Variants in RBM18 observed in about 807,000 individuals in gnomAD.
RBM18 encodes the protein probable RNA-binding protein 18.
In RBM18, 18 loss-of-function variants were observed where a neutral mutation model predicts 26.4. That is an observed-to-expected ratio of 0.68 (90% CI 0.47 to 1.01). The LOEUF (loss-of-function observed/expected upper bound fraction) is 1.01, where lower values mean the gene tolerates loss of function less well. RBM18 is among the 50% of genes least tolerant of loss of function. The probability of loss-of-function intolerance (pLI) is 0.00; values close to 1 mark genes in which losing one functional copy is unlikely to be tolerated. For synonymous variants in RBM18, 74 were observed against 81.1 expected, an observed-to-expected ratio of 0.91 and a Z score of 0.47; for missense variants, 180 against 219.2, an observed-to-expected ratio of 0.82 and a Z score of 1.13.
Position 122,245,336 on chromosome 9 carries a change from A to G in RBM18, c.333T>C (p.Tyr111=), listed in dbSNP as rs770931126. 2.5e-6 allele frequency: 4 copies of G among 1,601,190 alleles called. No individual in the cohort carries two copies. The highest frequency in any genetic ancestry group is 1.1e-5 in the South Asian group (1 of 90,764). ...GAATCTTATCATTCTTGTTATGATC[A>G]TATCTCTGAAAATGAGAAATAGAGA... The part of the protein sequence containing the change: ...VRWAHAQVKR[Y]DHNKNDKILP... Residue 111 remains tyrosine (Y), a synonymous_variant, in exon 5 of 6, where the codon TAT becomes TAC. Transcript: ENST00000417201.
intron 5 of RBM18, among the ~76,000 whole-genome samples, chr9:122,244,065 C>T (rs1358192480): frequency 6.6e-6 from 1 of 151,960 alleles, no homozygotes; most frequent in Non-Finnish European, 1.5e-5. Context: ...AGGTTCAAAT[C>T]TTATGAGGAA....
At chr9:122,259,505 A>G (rs554922956) in intron 2 of RBM18, among the ~76,000 whole-genome samples, 12 of 152,348 alleles carry the variant, frequency 7.9e-5, no homozygotes, top group African/African-American at 2.9e-4. Flanking sequence ...CCAAGATAAC[A>G]TAATATGTGG....
At position 122,237,774 on chromosome 9, in the gene RBM18, G is replaced by GT. The variant is rs1831351751; in HGVS notation, c.*4109dup. 1 of 152,182 alleles carries GT rather than the reference G, an allele frequency of 6.6e-6. No individual in the cohort carries two copies. The highest frequency in any genetic ancestry group is 1.5e-5 in the Non-Finnish European group (1 of 68,044). The allele number at this position is 152,182 out of a possible 1,614,324, so 9.4% of individuals were successfully genotyped here. A position where few individuals can be genotyped will look rare whatever the true frequency, so the allele number is the denominator to read the frequency against. ...ACCGATAGTATATATTTCAGGTTTT[G>GT]TAGGCCACAGTCTTCATTGCCAACT... On this transcript the variant is annotated 3_prime_UTR_variant, in exon 6 of 6. Coordinates refer to ENST00000417201, the MANE Select transcript of RBM18 (RefSeq NM_033117.4).
chr9:122,252,713 A>C (rs1461951175), intron 2 of RBM18, among the ~76,000 whole-genome samples: 1 of 152,228 alleles, frequency 6.6e-6, no homozygotes, highest in South Asian at 2.1e-4. Flanking sequence ...CAGTTGCCTT[A>C]AAACAGTTTA....
chr9:122,248,403 G>A (rs1165061364), intron 3 of RBM18, among the ~76,000 whole-genome samples: 1 of 152,014 alleles, frequency 6.6e-6, no homozygotes, highest in East Asian at 1.9e-4. Context: ...TGTACTCCCC[G>A]CAAGGGCCCT....
At chr9:122,262,661 A>G (rs1235496651) in intron 1 of RBM18, among the ~76,000 whole-genome samples, 1 of 151,980 alleles carries the variant, frequency 6.6e-6, no homozygotes, top group East Asian at 1.9e-4. Flanking sequence ...TCGGCTCACT[A>G]CAACTTCCAC....
intron 2 of RBM18, among the ~76,000 whole-genome samples, chr9:122,252,797 C>G (rs1177991030): frequency 6.6e-6 from 1 of 152,232 alleles, no homozygotes; most frequent in Non-Finnish European, 1.5e-5. Context: ...ATGTTCACTC[C>G]AAGCTATTGC....
Position 122,251,866 on chromosome 9 carries a change from A to G in RBM18, c.221T>C (p.Val74Ala). ...LEGQPRGYCF[V>A]NFETKQEAEQ... ...AATTACCTGCTTAGTTTCAAAGTTA[A>G]CAAAACAGTAGCCTCGAGGCTGTCC... The change falls in exon 3 of 6, where the codon GTT (valine) becomes GCT (alanine). Residue 74 changes from valine (V) to alanine (A), a missense_variant. Transcript: ENST00000417201. 6.2e-7 allele frequency: 1 copy of G among 1,614,158 alleles called. No individual in the cohort carries two copies. The highest frequency in any genetic ancestry group is 8.5e-7 in the Non-Finnish European group (1 of 1,179,990).
rs1200406178 is a variant in RBM18 at position 122,240,576 on chromosome 9, T to G, written c.*1308A>C. The G allele has an allele frequency of 6.6e-6, 1 of 152,040 alleles. No homozygotes were observed. The highest frequency in any genetic ancestry group is 1.5e-5 in the Non-Finnish European group (1 of 68,016). 9.4% of individuals were successfully genotyped at this position (152,040 alleles called of 1,614,324 possible). Reference sequence around the variant, plus strand: ...TCATCACCAAGAATGGCACCTGGAGTAACAAAGTGATACATACCTGGTAAA... The same window carrying G: ...TCATCACCAAGAATGGCACCTGGAGGAACAAAGTGATACATACCTGGTAAA... On this transcript the variant is annotated 3_prime_UTR_variant, in exon 6 of 6. Coordinates refer to ENST00000417201, the MANE Select transcript of RBM18 (RefSeq NM_033117.4).
At position 122,237,673 on chromosome 9, in the gene RBM18, G is replaced by C. The variant is rs10818653; in HGVS notation, c.*4211C>G. The C allele has an allele frequency of 0.51, 77,090 of 152,092 alleles. 20,020 individuals carry two copies. Among genetic ancestry groups the C allele is most frequent in the East Asian group, 0.83 (4,302 of 5,176 alleles). The allele number at this position is 152,092 out of a possible 1,614,324, so 9.4% of individuals were successfully genotyped here. On this transcript the variant is annotated 3_prime_UTR_variant, in exon 6 of 6. Coordinates refer to ENST00000417201, the MANE Select transcript of RBM18 (RefSeq NM_033117.4). ...TTGCTTTTATTCTCTGCATTAATACGAGAATTTTAGAAAACACATTTCCAG... is the reference window on the plus strand; with the variant it reads ...TTGCTTTTATTCTCTGCATTAATACCAGAATTTTAGAAAACACATTTCCAG...
At chr9:122,259,448 G>A (rs1439194001) in intron 2 of RBM18, among the ~76,000 whole-genome samples, 5 of 152,114 alleles carry the variant, frequency 3.3e-5, no homozygotes, top group Admixed American at 6.6e-5. Context: ...GCCATGAACC[G>A]TAAAAGAGAA....
chr9:122,243,701 A>G (rs1230892323), intron 5 of RBM18: 3 of 984,772 alleles, frequency 3.0e-6, no homozygotes, highest in Non-Finnish European at 3.6e-6. Flanking sequence ...TGGGCGAGAA[A>G]TTTAAAAACT....
At chr9:122,262,772 G>A (rs1270263336) in intron 1 of RBM18, among the ~76,000 whole-genome samples, 1 of 151,940 alleles carries the variant, frequency 6.6e-6, no homozygotes, top group East Asian at 1.9e-4. Flanking sequence ...TCTTGTAGAG[G>A]CAGGGTTTCA....
chr9:122,257,736 G>A (rs1023154169), intron 2 of RBM18, among the ~76,000 whole-genome samples: 5 of 152,048 alleles, frequency 3.3e-5, no homozygotes, highest in East Asian at 3.8e-4. Context: ...TCTAACAAGC[G>A]GTAAAAGAAT....
intron 5 of RBM18, 131 bp downstream of exon 5, chr9:122,245,125 T>C (rs1015441980): frequency 3.1e-6 from 2 of 646,042 alleles, no homozygotes; most frequent in East Asian, 2.6e-5. Flanking sequence ...GGAGACTAAC[T>C]GAACATCTCT....
intron 1 of RBM18, among the ~76,000 whole-genome samples, chr9:122,264,424 T>C (rs1218219880): frequency 1.3e-5 from 2 of 152,212 alleles, no homozygotes; most frequent in East Asian, 3.9e-4. Flanking sequence ...CCAGCTGAGC[T>C]GCAATAACTC....
In RBM18 at chr9:122,256,038, A is replaced by AAACAAC. The variant is rs3048199; in HGVS notation, c.114-4071_114-4066dup. Among the ~76,000 whole-genome samples, 220 of 151,700 alleles carry AAACAAC rather than the reference A, an allele frequency of 1.5e-3. 1 individual carries two copies. Among genetic ancestry groups the AAACAAC allele is most frequent in the African/African-American group, 4.8e-3 (196 of 41,232 alleles). On this transcript the variant is annotated intron_variant, in intron 2 of 5. Transcript: ENST00000417201. ...AGAGTGAGACTCTGTCTCAAAAAGA[A>AAACAAC]AACAACAACAACAACAACAACAACA...
chr9:122,261,703 A>G (rs41297199), intron 1 of RBM18, among the ~76,000 whole-genome samples, 195 bp from the exon 2 acceptor site: 4,464 of 152,324 alleles, frequency 0.029, 78 homozygotes, highest in Non-Finnish European at 0.038. Context: ...AGGGCACACA[A>G]GCTGCCATTT....
At chr9:122,261,053 A>G (rs187623976) in intron 2 of RBM18, among the ~76,000 whole-genome samples, 2 of 152,166 alleles carry the variant, frequency 1.3e-5, no homozygotes, top group East Asian at 3.9e-4. Context: ...GTACAAATGT[A>G]TTCCCAAGGC....
Sources: allele counts gnomAD v4.1 joint callset (sites outside exome capture counted in the v4.1 genomes callset), GRCh38; gene constraint gnomAD v4.1.1; transcripts MANE v1.5; gene names NCBI Gene and HGNC (gene_info 2026-07-23, HGNC 2026-07-21).